The following NR3C2 variants were observed in gnomAD, a reference collection of about 807,000 sequenced individuals.
The protein encoded by NR3C2 is mineralocorticoid receptor.
In NR3C2, 15 loss-of-function variants were observed where a neutral mutation model predicts 86.4. That is an observed-to-expected ratio of 0.17 (90% CI 0.12 to 0.27). The LOEUF is 0.27. Ranked by LOEUF, NR3C2 falls within the 10% of genes least tolerant of loss-of-function variation. The pLI is 1.00. For missense variants in NR3C2, 960 were observed against 1,195.6 expected, an observed-to-expected ratio of 0.80 and a Z score of 2.91; for synonymous variants, 458 against 450.5, an observed-to-expected ratio of 1.02 and a Z score of -0.21.
intron 6 of NR3C2, among the ~76,000 whole-genome samples, chr4:148,138,316 A>C (rs1733447441): frequency 6.6e-6 from 1 of 152,240 alleles, no homozygotes; most frequent in Non-Finnish European, 1.5e-5. Flanking sequence ...ATATGAACCA[A>C]AGTTCCAGTT....
intron 2 of NR3C2, among the ~76,000 whole-genome samples, chr4:148,350,177 A>G (rs753703081): frequency 3.3e-5 from 5 of 152,186 alleles, no homozygotes; most frequent in Non-Finnish European, 7.4e-5. Context: ...TGAGGTTGAG[A>G]AAGATTAATT....
At position 148,389,669 on chromosome 4, in the gene NR3C2, CTG is replaced by C. The variant is rs1747439998; in HGVS notation, c.1757+45433_1757+45434del. Among the ~76,000 whole-genome samples, 3 of 152,220 alleles carry C rather than the reference CTG, an allele frequency of 2.0e-5. No homozygotes were observed. In the South Asian group the frequency reaches 6.2e-4, roughly 32 times the overall value. On this transcript the variant is annotated intron_variant, in intron 2 of 8. Transcript: ENST00000358102. ...ATCTGTGTAGAATTTAAAAACTAAACTGTACCAAAAAGCACTTTTTTTGACTG... is the reference window on the plus strand; with the variant it reads ...ATCTGTGTAGAATTTAAAAACTAAACTACCAAAAAGCACTTTTTTTGACTG...
chr4:148,278,133 G>A (rs971488256), intron 2 of NR3C2, among the ~76,000 whole-genome samples: 5 of 151,808 alleles, frequency 3.3e-5, no homozygotes, highest in African/African-American at 7.3e-5. Context: ...ACAGGTTCTC[G>A]CTCTGTTACC....
intron 2 of NR3C2, among the ~76,000 whole-genome samples, chr4:148,358,086 A>G (rs61761545): frequency 0.2 from 30,496 of 151,904 alleles, 3,100 homozygotes; most frequent in East Asian, 0.3. Flanking sequence ...ATCTAGAACT[A>G]GAAATACCAT....
intron 2 of NR3C2, among the ~76,000 whole-genome samples, chr4:148,414,162 G>C (rs560287126): frequency 6.6e-6 from 1 of 152,140 alleles, no homozygotes; most frequent in Non-Finnish European, 1.5e-5. Flanking sequence ...AAAATCATTA[G>C]ATGTTTTGCA....
At chr4:148,185,528 G>T (rs1323210739) in intron 4 of NR3C2, among the ~76,000 whole-genome samples, 3 of 151,824 alleles carry the variant, frequency 2.0e-5, no homozygotes, top group Non-Finnish European at 4.4e-5. Context: ...TTTTTAATAG[G>T]CAATATGGGT....
At chr4:148,331,814 A>G (rs1744247891) in intron 2 of NR3C2, among the ~76,000 whole-genome samples, 1 of 152,214 alleles carries the variant, frequency 6.6e-6, no homozygotes, top group African/African-American at 2.4e-5. Context: ...CATACCAAGT[A>G]CCATCTCTTA....
chr4:148,082,182 C>T lies in NR3C2; in HGVS notation c.2800-683G>A, dbSNP rs1350997743. On this transcript the variant is annotated intron_variant, in intron 8 of 8. Coordinates refer to ENST00000358102, the MANE Select transcript of NR3C2 (RefSeq NM_000901.5). ...GACAAGTTCTGGGGTGTCCCCCTAGCTCATTTTCCCTACTCTGTGAACCAA... is the reference window on the plus strand; with the variant it reads ...GACAAGTTCTGGGGTGTCCCCCTAGTTCATTTTCCCTACTCTGTGAACCAA... 2.0e-5 allele frequency among the ~76,000 whole-genome samples: 3 copies of T among 152,350 alleles called. No homozygotes were observed. The East Asian group carries it at 5.8e-4, about 29-fold the overall frequency.
chr4:148,255,596 A>G (rs1265398402), intron 3 of NR3C2, among the ~76,000 whole-genome samples: 1 of 152,230 alleles, frequency 6.6e-6, no homozygotes, highest in Non-Finnish European at 1.5e-5. Context: ...TTGACTTTAC[A>G]TAATAATGAG....
chr4:148,388,395 C>A lies in NR3C2; in HGVS notation c.1757+46709G>T, dbSNP rs150581023. Among the ~76,000 whole-genome samples, 252 of 152,236 alleles carry A rather than the reference C, an allele frequency of 1.7e-3. 1 individual carries two copies. Among genetic ancestry groups the A allele is most frequent in the African/African-American group, 5.7e-3 (236 of 41,550 alleles). On this transcript the variant is annotated intron_variant, in intron 2 of 8. Coordinates refer to ENST00000358102, the MANE Select transcript of NR3C2 (RefSeq NM_000901.5). ...GCATTTCCCTTGGGCGTCACATTGGCGCTCAAAAAGTTTTGGATTTTGGAG... is the reference window on the plus strand; with the variant it reads ...GCATTTCCCTTGGGCGTCACATTGGAGCTCAAAAAGTTTTGGATTTTGGAG...
rs1200819685 is a variant in NR3C2 at position 148,436,207 on chromosome 4, G to C, written c.654C>G (p.Ala218=). ...TGTGCACTGGAAAACTGCCAAAGCT[G>C]GCTGTGGTGGAGGACACAGAGTTGA... The part of the protein sequence containing the change: ...AGINSVSSTT[A]SFGSFPVHSP... The change falls in exon 2 of 9, where the codon GCC becomes GCG. Residue 218 remains alanine (A), a synonymous_variant. Coordinates refer to ENST00000358102, the MANE Select transcript of NR3C2 (RefSeq NM_000901.5). The C allele has an allele frequency of 6.2e-7, 1 of 1,614,194 alleles. No individual in the cohort carries two copies. Among genetic ancestry groups the C allele is most frequent in the Admixed American group, 1.7e-5 (1 of 60,026 alleles).
Position 148,185,762 on chromosome 4 carries a change from A to AT in NR3C2, c.2014+8983dup, listed in dbSNP as rs1037889493. ...AGTTGTATATCTATTTTACAACCTG[A>AT]TTTTTTTTGACTAAATACTACTTGG... On this transcript the variant is annotated intron_variant, in intron 4 of 8. Coordinates refer to ENST00000358102, the MANE Select transcript of NR3C2 (RefSeq NM_000901.5). 2.6e-5 allele frequency among the ~76,000 whole-genome samples: 4 copies of AT among 151,962 alleles called. No individual in the cohort carries two copies. In the South Asian group the frequency reaches 6.2e-4, roughly 24 times the overall value.
intron 2 of NR3C2, 38 bp downstream of exon 2, chr4:148,435,066 A>C: frequency 6.3e-7 from 1 of 1,597,254 alleles, no homozygotes; most frequent in Non-Finnish European, 8.6e-7. Flanking sequence ...ACATGTATAA[A>C]GCCATGACTT....
chr4:148,090,306 T>G (rs1161547626), intron 8 of NR3C2, among the ~76,000 whole-genome samples: 1 of 152,100 alleles, frequency 6.6e-6, no homozygotes, highest in Non-Finnish European at 1.5e-5. Flanking sequence ...TCAGGAAAGA[T>G]GGGCTTGGCA....
chr4:148,184,181 T>C lies in NR3C2; in HGVS notation c.2014+10565A>G, dbSNP rs1578984595. 2.0e-5 allele frequency among the ~76,000 whole-genome samples: 3 copies of C among 152,102 alleles called. No individual in the cohort carries two copies. In the East Asian group the frequency reaches 5.8e-4, roughly 29 times the overall value. ...AATGATAAGGATAGGCTGGGTGCGG[T>C]AGCTCACGCCTGTAATCCCAGCACT... On this transcript the variant is annotated intron_variant, in intron 4 of 8. Transcript: ENST00000358102.
At chr4:148,228,147 C>T (rs1375819692) in intron 3 of NR3C2, among the ~76,000 whole-genome samples, 1 of 152,208 alleles carries the variant, frequency 6.6e-6, no homozygotes, top group Non-Finnish European at 1.5e-5. Context: ...TCCAACATTA[C>T]AGGGTTCATT....
At chr4:148,365,337 C>T (rs1234040620) in intron 2 of NR3C2, among the ~76,000 whole-genome samples, 1 of 152,108 alleles carries the variant, frequency 6.6e-6, no homozygotes, top group Non-Finnish European at 1.5e-5. Flanking sequence ...CTTAAAAAGT[C>T]TTGCATTTTG....
chr4:148,235,748 T>C (rs1022641896), intron 3 of NR3C2, among the ~76,000 whole-genome samples: 17 of 111,408 alleles, frequency 1.5e-4, no homozygotes, highest in Non-Finnish European at 2.9e-4. Flanking sequence ...GAGTGTTTTG[T>C]TGTTGTTGTG....
chr4:148,262,786 C>A (rs578195729), intron 2 of NR3C2, among the ~76,000 whole-genome samples: 22 of 152,286 alleles, frequency 1.4e-4, no homozygotes, highest in African/African-American at 5.3e-4. Flanking sequence ...TAGATTAAGG[C>A]AGGGAGTCCG....
Sources: gnomAD v4.1 joint callset for allele counts (sites outside exome capture counted in the v4.1 genomes callset) on GRCh38, gnomAD v4.1.1 for gene constraint, MANE v1.5 for transcripts, NCBI Gene and HGNC (gene_info 2026-07-23, HGNC 2026-07-21) for gene names.